The following TRAPPC12 variants were observed in gnomAD, a reference collection of about 807,000 sequenced individuals.
TRAPPC12 encodes TPR repeat protein 15.
Under a neutral mutation model 69.2 loss-of-function variants are expected in TRAPPC12, and 61 were observed. That is an observed-to-expected ratio of 0.88 (90% CI 0.72 to 1.09). The LOEUF is 1.09. Ranked by LOEUF, TRAPPC12 falls within the 50% of genes least tolerant of loss-of-function variation. The probability of loss-of-function intolerance (pLI) is 0.00; values close to 1 mark genes in which losing one functional copy is unlikely to be tolerated. For missense variants in TRAPPC12, 1,101 were observed against 1,016.4 expected (o/e 1.08, Z -1.13); for synonymous variants, 469 against 438.9 (o/e 1.07, Z -0.86).
In TRAPPC12 at chr2:3,477,689, A is replaced by G. The variant is rs780862115; in HGVS notation, c.1777-6A>G. ...CAACTAAACTGACTAAATTTTGTCA[A>G]AGCAGATTGGAGACATAAAAACAGC... On this transcript the variant is annotated splice_region_variant and splice_polypyrimidine_tract_variant and intron_variant, in intron 9 of 11. Transcript: ENST00000324266. 1 of 1,591,196 alleles carries G rather than the reference A, an allele frequency of 6.3e-7. No homozygotes were observed. The highest frequency in any genetic ancestry group is 1.1e-5 in the South Asian group (1 of 87,342).
chr2:3,479,251 C>A lies in TRAPPC12; in HGVS notation c.1998C>A (p.Tyr666Ter). The change falls in exon 12 of 12, where the codon TAC becomes TAA. Residue 666 changes from tyrosine to a stop codon, truncating the protein, a stop_gained. Transcript: ENST00000324266. LOFTEE classifies it high-confidence loss of function. ...ACAACGCTGCCGTGTGTCTGCTCTA[C>A]CTGGGCAAGCTCAAGGACTCCCTGC... ...ANNNAAVCLL[Y>*]LGKLKDSLRQ... 1 of 1,614,096 alleles carries A rather than the reference C, an allele frequency of 6.2e-7. No homozygotes were observed. The highest frequency in any genetic ancestry group is 1.3e-5 in the African/African-American group (1 of 75,066).
At chr2:3,441,500 CTTATTGGTCTTGTCAGAGTT>C (rs1664197720) in intron 5 of TRAPPC12, among the ~76,000 whole-genome samples, 2 of 151,854 alleles carry the variant, frequency 1.3e-5, no homozygotes, top group African/African-American at 4.8e-5. Context: ...TGGGGAGAGA[CTTATTGGTCTTGTCAGAGTT>C]TTATTGGTCT....
intron 5 of TRAPPC12, among the ~76,000 whole-genome samples, chr2:3,430,507 G>T (rs1163081665): frequency 6.6e-6 from 1 of 152,158 alleles, no homozygotes; most frequent in Non-Finnish European, 1.5e-5. Flanking sequence ...ATCTTGGCCT[G>T]TATTTCTATT....
intron 5 of TRAPPC12, among the ~76,000 whole-genome samples, chr2:3,433,454 AC>A (rs1663561591): frequency 6.6e-6 from 1 of 152,116 alleles, no homozygotes; most frequent in South Asian, 2.1e-4. Context: ...CTGCGGCCTC[AC>A]GGCAACCTAG....
intron 10 of TRAPPC12, 122 bp downstream of exon 10, chr2:3,477,917 GTC>G (rs1477973269): frequency 1.7e-6 from 1 of 576,860 alleles, no homozygotes; most frequent in Non-Finnish European, 3.0e-6. Context: ...CTTGCCCTGT[GTC>G]TCTCAGAGCG....
At chr2:3,446,694 C>G (rs1664526109) in intron 6 of TRAPPC12, among the ~76,000 whole-genome samples, 1 of 152,246 alleles carries the variant, frequency 6.6e-6, no homozygotes, top group Non-Finnish European at 1.5e-5. Context: ...AGCAATGCGT[C>G]TCCACGCTGT....
intron 8 of TRAPPC12, among the ~76,000 whole-genome samples, chr2:3,461,125 T>C (rs1484364528): frequency 6.6e-6 from 1 of 152,210 alleles, no homozygotes; most frequent in Admixed American, 6.5e-5. Context: ...TTCCTGAGCT[T>C]GATTTTCAGC....
intron 1 of TRAPPC12, among the ~76,000 whole-genome samples, chr2:3,381,635 G>GT (rs965879665): frequency 3.9e-4 from 59 of 152,288 alleles, no homozygotes; most frequent in African/African-American, 1.3e-3. Context: ...AGATACTTGT[G>GT]TTTTTCCATT....
intron 5 of TRAPPC12, among the ~76,000 whole-genome samples, chr2:3,440,592 C>A (rs1259654428): frequency 6.6e-6 from 1 of 152,022 alleles, no homozygotes; most frequent in East Asian, 1.9e-4. Flanking sequence ...TGAGATTGTT[C>A]TTTATAATTA....
chr2:3,412,177 A>G (rs1237668376), intron 3 of TRAPPC12, among the ~76,000 whole-genome samples: 1 of 152,240 alleles, frequency 6.6e-6, no homozygotes, highest in Middle Eastern at 3.2e-3. Flanking sequence ...AAAGCAATGC[A>G]TTAGATGCGG....
At chr2:3,433,938 G>T (rs1265316707) in intron 5 of TRAPPC12, among the ~76,000 whole-genome samples, 3 of 152,038 alleles carry the variant, frequency 2.0e-5, no homozygotes, top group Non-Finnish European at 4.4e-5. Flanking sequence ...ACGGGCCTCA[G>T]GGCTGGTGTG....
At chr2:3,479,023 G>GCT (rs772439789) in intron 11 of TRAPPC12, 90 bp downstream of exon 11, 23 of 1,489,998 alleles carry the variant, frequency 1.5e-5, no homozygotes, top group Non-Finnish European at 1.9e-5. Context: ...AGGGGCCTGC[G>GCT]CTCTCTCTCT....
chr2:3,478,419 G>C (rs1666390991), intron 10 of TRAPPC12, among the ~76,000 whole-genome samples: 1 of 152,186 alleles, frequency 6.6e-6, no homozygotes. Context: ...GATCACTTGA[G>C]GTCAGGAGTT....
At chr2:3,452,206 G>A (rs1025320267) in intron 6 of TRAPPC12, among the ~76,000 whole-genome samples, 3 of 152,096 alleles carry the variant, frequency 2.0e-5, no homozygotes, top group Non-Finnish European at 4.4e-5. Context: ...TGAGAGGCTG[G>A]GTTCCTGGCC....
In TRAPPC12 at chr2:3,409,747, C is replaced by CT. The variant is rs1368706926; in HGVS notation, c.1164+7857dup. ...ACTGGGCAACAAAGCAAGACTTTGTCTTTAAAAAAAAAAAAAAAAAAAAAA... is the reference window on the plus strand; with the variant it reads ...ACTGGGCAACAAAGCAAGACTTTGTCTTTTAAAAAAAAAAAAAAAAAAAAAA... On this transcript the variant is annotated intron_variant, in intron 3 of 11. Coordinates refer to ENST00000324266, the MANE Select transcript of TRAPPC12 (RefSeq NM_016030.6). Among the ~76,000 whole-genome samples the CT allele has an allele frequency of 1.6e-4, 4 of 25,772 alleles. No individual in the cohort carries two copies. The Admixed American group carries it at 1.7e-3, about 11-fold the overall frequency. The allele number at this position is 25,772 out of a possible 152,430, so 16.9% of individuals were successfully genotyped here. A position where few individuals can be genotyped will look rare whatever the true frequency, so the allele number is the denominator to read the frequency against.
chr2:3,410,902 C>A (rs901075444), intron 3 of TRAPPC12, among the ~76,000 whole-genome samples: 2 of 152,092 alleles, frequency 1.3e-5, no homozygotes, highest in South Asian at 4.1e-4. Flanking sequence ...TGGTGGTGCA[C>A]GCCTGTAGTC....
rs1168339386 is a variant in TRAPPC12 at position 3,477,790 on chromosome 2, G to A, written c.1872G>A (p.Met624Ile). 1.6e-5 allele frequency: 25 copies of A among 1,580,224 alleles called. No individual in the cohort carries two copies. Among genetic ancestry groups the A allele is most frequent in the Non-Finnish European group, 2.2e-5 (25 of 1,160,660 alleles). ...TACAGGGTAAAATCATGGTTTTGATGAACAGGTAAATATTTTAAAACTAAA... is the reference window on the plus strand; with the variant it reads ...TACAGGGTAAAATCATGGTTTTGATAAACAGGTAAATATTTTAAAACTAAA... ...DGLQGKIMVL[M>I]NSAFLHLGQN... Residue 624 changes from methionine to isoleucine, a missense_variant, in exon 10 of 12, where the codon ATG becomes ATA. Physicochemically the swap from Met to Ile is conservative, Grantham distance 10. Transcript: ENST00000324266.
rs544801906 is a variant in TRAPPC12, at chr2:3,453,280, C to T, written c.1531-4341C>T. Among the ~76,000 whole-genome samples, 16 of 152,342 alleles carry T rather than the reference C, an allele frequency of 1.1e-4. No individual in the cohort carries two copies. The South Asian group carries it at 2.3e-3, about 22-fold the overall frequency. On this transcript the variant is annotated intron_variant, in intron 6 of 11. Transcript: ENST00000324266. ...CGCTAAGCACCACCCACACTGCCGG[C>T]GCCTGACCAGACAGCTCCATGGAGC...
At position 3,383,871 on chromosome 2, in the gene TRAPPC12, G is replaced by GTTTTTT. The variant is rs34956958; in HGVS notation, c.-4-3713_-4-3708dup. Among the ~76,000 whole-genome samples, 263 of 85,538 alleles carry GTTTTTT rather than the reference G, an allele frequency of 3.1e-3. 27 individuals are homozygous for GTTTTTT. Among genetic ancestry groups the GTTTTTT allele is most frequent in the Non-Finnish European group, 4.9e-3 (209 of 42,862 alleles). The allele number at this position is 85,538 out of a possible 152,430, so 56.1% of individuals were successfully genotyped here. The stretch of plus-strand genomic sequence containing the variant: ...TATTCCCTTGTGATAGTTCAGTCTT[G>GTTTTTT]TTTTTTTTTTTTTTTTTTTTTTTTT... On this transcript the variant is annotated intron_variant, in intron 1 of 11. Transcript: ENST00000324266.
Sources: gnomAD v4.1 joint callset for allele counts (sites outside exome capture counted in the v4.1 genomes callset) on GRCh38, gnomAD v4.1.1 for gene constraint, MANE v1.5 for transcripts, NCBI Gene and HGNC (gene_info 2026-07-23, HGNC 2026-07-21) for gene names.